FAM222B: variants seen among roughly 807,000 people sequenced by gnomAD.
The protein encoded by FAM222B is family with sequence similarity 222 member B.
Under a neutral mutation model 38.0 loss-of-function variants are expected in FAM222B, and 12 were observed. The ratio of observed to expected loss-of-function variants is 0.32; its 90% CI spans 0.20 to 0.51. FAM222B has a LOEUF of 0.51. Among genes scored for constraint, FAM222B ranks in the 20% least tolerant of loss-of-function variants. FAM222B has a pLI of 0.97. For synonymous variants in FAM222B, 329 were observed against 317.2 expected (o/e 1.04, Z -0.40); for missense variants, 716 against 754.2 (o/e 0.95, Z 0.59).
chr17:28,783,784 T>G (rs2036267991), intron 1 of FAM222B, among the ~76,000 whole-genome samples: 1 of 151,028 alleles, frequency 6.6e-6, no homozygotes, highest in African/African-American at 2.4e-5. Flanking sequence ...CTGCTAGGAT[T>G]ATAGGTATGA....
chr17:28,798,634 A>AC (rs1475477297), intron 1 of FAM222B, among the ~76,000 whole-genome samples: 33 of 127,084 alleles, frequency 2.6e-4, no homozygotes, highest in Middle Eastern at 4.1e-3. Context: ...AGGCACTTGC[A>AC]CCCCCTTTTT....
At chr17:28,791,606 T>G (rs938220166) in intron 1 of FAM222B, among the ~76,000 whole-genome samples, 2 of 150,230 alleles carry the variant, frequency 1.3e-5, no homozygotes, top group Non-Finnish European at 3.0e-5. Context: ...CTAAGCCAGG[T>G]GCAGTGGCTC....
In FAM222B at chr17:28,756,851, T is replaced by A. The variant is rs1434189178; in HGVS notation, c.*1419A>T. 6.6e-6 allele frequency: 1 copy of A among 152,304 alleles called. No individual in the cohort carries two copies. The highest frequency in any genetic ancestry group is 1.5e-5 in the Non-Finnish European group (1 of 68,006). The allele number at this position is 152,304 out of a possible 1,614,324, so 9.4% of individuals were successfully genotyped here. On this transcript the variant is annotated 3_prime_UTR_variant, in exon 3 of 3. Coordinates refer to ENST00000581407, the MANE Select transcript of FAM222B (RefSeq NM_001077498.3). The stretch of plus-strand genomic sequence containing the variant: ...CTGGCTAACGAACAGTAGTGGATAG[T>A]GAACAAAATGCAAAACCTTAAATAA...
At chr17:28,780,896 A>G (rs1351232314) in intron 1 of FAM222B, among the ~76,000 whole-genome samples, 1 of 152,016 alleles carries the variant, frequency 6.6e-6, no homozygotes, top group Admixed American at 6.6e-5. Context: ...AAAAAAACCC[A>G]AAGAAACAAA....
chr17:28,804,652 T>G (rs1267876338), intron 1 of FAM222B, among the ~76,000 whole-genome samples: 1 of 152,148 alleles, frequency 6.6e-6, no homozygotes, highest in African/African-American at 2.4e-5. Context: ...AGATTTTATA[T>G]TTAGTATTAA....
In FAM222B at chr17:28,784,491, T is replaced by TAAAAAAAAAAA. The variant is rs559624246; in HGVS notation, c.-40-17795_-40-17785dup. Among the ~76,000 whole-genome samples the TAAAAAAAAAAA allele has an allele frequency of 8.6e-4, 31 of 36,048 alleles. 3 individuals carry two copies. Among genetic ancestry groups the TAAAAAAAAAAA allele is most frequent in the South Asian group, 2.0e-3 (2 of 980 alleles). The allele number at this position is 36,048 out of a possible 152,430, so 23.6% of individuals were successfully genotyped here. ...AACAACAGAGTAAGATCCCCTCTCT[T>TAAAAAAAAAAA]AAAAAAAAAAAAAAAAAAAAAAAAA... On this transcript the variant is annotated intron_variant, in intron 1 of 2. Coordinates refer to ENST00000581407, the MANE Select transcript of FAM222B (RefSeq NM_001077498.3).
chr17:28,813,855 A>G (rs574466593), intron 1 of FAM222B, among the ~76,000 whole-genome samples: 2 of 151,624 alleles, frequency 1.3e-5, no homozygotes, highest in African/African-American at 4.8e-5. Context: ...ATGGAATAGG[A>G]CATTTTAAAC....
Position 28,758,702 on chromosome 17 carries a change from G to C in FAM222B, c.1257C>G (p.Ser419=), listed in dbSNP as rs1400515161. The C allele has an allele frequency of 1.3e-6, 2 of 1,599,126 alleles. No homozygotes were observed. Among genetic ancestry groups the C allele is most frequent in the East Asian group, 4.5e-5 (2 of 44,324 alleles). Residue 419 remains serine (S), a synonymous_variant, in exon 3 of 3, where the codon TCC becomes TCG. Coordinates refer to ENST00000581407, the MANE Select transcript of FAM222B (RefSeq NM_001077498.3). Reference sequence around the variant, plus strand: ...TTTCCAGGGGTGGCTTCAGATGGAAGGACTGCGCCAGGCAGAGTTCCTGCG... The same window carrying C: ...TTTCCAGGGGTGGCTTCAGATGGAACGACTGCGCCAGGCAGAGTTCCTGCG... ...AYPQELCLAQ[S]FHLKPPLEKP...
At chr17:28,765,471 C>A (rs1339882743) in intron 2 of FAM222B, among the ~76,000 whole-genome samples, 2 of 152,152 alleles carry the variant, frequency 1.3e-5, no homozygotes, top group Non-Finnish European at 2.9e-5. Context: ...AGTTTGTTAA[C>A]CCCTGTCATA....
chr17:28,847,792 T>A (rs2039155386), upstream of FAM222B, among the ~76,000 whole-genome samples: 2 of 151,336 alleles, frequency 1.3e-5, no homozygotes. Flanking sequence ...CGGGCGCCTA[T>A]AGTCCCAGCT....
Position 28,757,771 on chromosome 17 carries a change from T to C in FAM222B, c.*499A>G, listed in dbSNP as rs2034776599. 6.5e-6 allele frequency: 1 copy of C among 154,070 alleles called. No homozygotes were observed. Among genetic ancestry groups the C allele is most frequent in the Non-Finnish European group, 1.4e-5 (1 of 69,338 alleles). The allele number at this position is 154,070 out of a possible 1,614,324, so 9.5% of individuals were successfully genotyped here. A position where few individuals can be genotyped will look rare whatever the true frequency, so the allele number is the denominator to read the frequency against. The stretch of plus-strand genomic sequence containing the variant: ...GAAGGATATGAAGACTGGGTCAGCT[T>C]TGATTTGAGATCCTTCGATGAGTAA... On this transcript the variant is annotated 3_prime_UTR_variant, in exon 3 of 3. Transcript: ENST00000581407.
At chr17:28,813,561 C>T (rs536375001) in intron 1 of FAM222B, among the ~76,000 whole-genome samples, 2 of 151,582 alleles carry the variant, frequency 1.3e-5, no homozygotes, top group African/African-American at 4.8e-5. Context: ...GAGTCTCGCT[C>T]TGTTGCCCAG....
Position 28,758,106 on chromosome 17 carries a change from A to G in FAM222B, c.*164T>C. On this transcript the variant is annotated 3_prime_UTR_variant, in exon 3 of 3. Transcript: ENST00000581407. ...AAAAGTTGCTGGAGGGGAGGACGAGAGGACCCCTTCTGTCCCCACTTAGAT... is the reference window on the plus strand; with the variant it reads ...AAAAGTTGCTGGAGGGGAGGACGAGGGGACCCCTTCTGTCCCCACTTAGAT... 3.3e-6 allele frequency: 2 copies of G among 608,786 alleles called. No homozygotes were observed. Among genetic ancestry groups the G allele is most frequent in the Non-Finnish European group, 5.4e-6 (2 of 370,234 alleles). The allele number at this position is 608,786 out of a possible 1,614,324, so 37.7% of individuals were successfully genotyped here.
At chr17:28,820,688 C>CAG (rs2038181001) in intron 1 of FAM222B, among the ~76,000 whole-genome samples, 1 of 151,520 alleles carries the variant, frequency 6.6e-6, no homozygotes, top group Non-Finnish European at 1.5e-5. Flanking sequence ...GGCTGGAGTG[C>CAG]AGTGGCAAGA....
chr17:28,815,026 G>A (rs776327029), intron 1 of FAM222B, among the ~76,000 whole-genome samples: 25 of 151,414 alleles, frequency 1.7e-4, no homozygotes, highest in African/African-American at 4.6e-4. Flanking sequence ...CACCCCCCTC[G>A]CCTCCCAAAG....
In FAM222B at chr17:28,756,929, C is replaced by G. The variant is rs1470073388; in HGVS notation, c.*1341G>C. 6.6e-6 allele frequency: 1 copy of G among 152,334 alleles called. No individual in the cohort carries two copies. Among genetic ancestry groups the G allele is most frequent in the African/African-American group, 2.4e-5 (1 of 41,424 alleles). 9.4% of individuals were successfully genotyped at this position (152,334 alleles called of 1,614,324 possible). The stretch of plus-strand genomic sequence containing the variant: ...CAAGAGGAAAGGTAAGGGCTTATTT[C>G]ATCTGTAAAAAATAAAAAAGCCCAA... On this transcript the variant is annotated 3_prime_UTR_variant, in exon 3 of 3. Transcript: ENST00000581407.
chr17:28,781,146 A>C (rs2036150661), intron 1 of FAM222B, among the ~76,000 whole-genome samples: 1 of 152,116 alleles, frequency 6.6e-6, no homozygotes, highest in African/African-American at 2.4e-5. Context: ...AACCACAATG[A>C]AATTAGCTGG....
chr17:28,846,394 T>C (rs1411666259), upstream of FAM222B, among the ~76,000 whole-genome samples: 2 of 150,066 alleles, frequency 1.3e-5, no homozygotes, highest in Admixed American at 1.3e-4. Context: ...AAAAAAAAAA[T>C]GTTCAGGCCA....
chr17:28,852,984 G>A (rs560118391), intron 1 of FAM222B, among the ~76,000 whole-genome samples: 14 of 152,034 alleles, frequency 9.2e-5, no homozygotes, highest in South Asian at 4.2e-4. Flanking sequence ...ACCTGAGGTC[G>A]GGAGTTCAAG....
Sources: gnomAD v4.1 joint callset for allele counts (sites outside exome capture counted in the v4.1 genomes callset) on GRCh38, gnomAD v4.1.1 for gene constraint, MANE v1.5 for transcripts, NCBI Gene and HGNC (gene_info 2026-07-23, HGNC 2026-07-21) for gene names.